Variants in SIM1 observed in about 807,000 individuals in gnomAD.
SIM1 encodes the protein single-minded homolog 1.
Under a neutral mutation model 78.2 loss-of-function variants are expected in SIM1, and 18 were observed. That is an observed-to-expected ratio of 0.23 (90% confidence interval 0.16 to 0.34). The LOEUF is 0.34. Ranked by LOEUF, SIM1 falls within the 10% of genes least tolerant of loss-of-function variation. SIM1 has a pLI of 1.00. For missense variants in SIM1, 939 were observed against 975.1 expected (o/e 0.96, Z 0.49); for synonymous variants, 417 against 385.2 (o/e 1.08, Z -0.97).
chr6:100,412,669 GAGAGAAAGAAAGAAAAAGAAAGAAAGAA>G (rs1771256219), intron 10 of SIM1, among the ~76,000 whole-genome samples: 1 of 117,544 alleles, frequency 8.5e-6, no homozygotes, highest in South Asian at 2.7e-4. Flanking sequence ...GAGAGAGAGA[GAGAGAAAGAAAGAAAAAGAAAGAAAGAA>G]AGAAAGAAAG....
chr6:100,452,632 G>A (rs241808), intron 3 of SIM1, among the ~76,000 whole-genome samples: 150,950 of 152,336 alleles, frequency 0.99, 74,795 homozygotes, highest in East Asian at 1. Context: ...GGCAAGAGCT[G>A]GAAAGTGTCA....
At chr6:100,442,183 GT>G (rs1290986722) in intron 9 of SIM1, among the ~76,000 whole-genome samples, 1 of 152,090 alleles carries the variant, frequency 6.6e-6, no homozygotes, top group Non-Finnish European at 1.5e-5. Flanking sequence ...AAAATACAAA[GT>G]CTGTAAGTTC....
intron 9 of SIM1, among the ~76,000 whole-genome samples, chr6:100,427,504 G>T (rs550385163): frequency 1.3e-5 from 2 of 152,150 alleles, no homozygotes; most frequent in Non-Finnish European, 2.9e-5. Context: ...CAGACACAAA[G>T]TTTGCTATCA....
At chr6:100,412,555 A>AAAAG (rs761518217) in intron 10 of SIM1, among the ~76,000 whole-genome samples, 5,266 of 64,488 alleles carry the variant, frequency 0.082, 371 homozygotes, top group South Asian at 0.1. Flanking sequence ...AGAAAGAAAG[A>AAAAG]AAAGAAAGAA....
At chr6:100,428,441 T>A (rs1357828482) in intron 9 of SIM1, among the ~76,000 whole-genome samples, 1 of 152,180 alleles carries the variant, frequency 6.6e-6, no homozygotes, top group African/African-American at 2.4e-5. Context: ...TTTAAAGGTT[T>A]AACCTCATGA....
chr6:100,403,468 T>C (rs1770978487), intron 10 of SIM1, among the ~76,000 whole-genome samples: 1 of 152,230 alleles, frequency 6.6e-6, no homozygotes, highest in South Asian at 2.1e-4. Flanking sequence ...CATTCTAATA[T>C]TTATTAAGTG....
Position 100,389,569 on chromosome 6 carries a change from C to G in SIM1, c.*792G>C. 1 of 398,840 alleles carries G rather than the reference C, an allele frequency of 2.5e-6. No individual in the cohort carries two copies. The highest frequency in any genetic ancestry group is 4.4e-6 in the Non-Finnish European group (1 of 225,958). The allele number at this position is 398,840 out of a possible 1,614,324, so 24.7% of individuals were successfully genotyped here. A position where few individuals can be genotyped will look rare whatever the true frequency, so the allele number is the denominator to read the frequency against. On this transcript the variant is annotated 3_prime_UTR_variant, in exon 12 of 12. Coordinates refer to ENST00000369208, the MANE Select transcript of SIM1 (RefSeq NM_005068.3). ...TTATTTCACTCTGCCTCTGGCCTTT[C>G]CATATTCATAGAACTACTTCCAATT... is the stretch of plus-strand genomic sequence containing the variant.
At position 100,411,778 on chromosome 6, in the gene SIM1, A is replaced by G. The variant is rs1771196995; in HGVS notation, c.1167+9012T>C. 2.6e-5 allele frequency among the ~76,000 whole-genome samples: 4 copies of G among 152,322 alleles called. No homozygotes were observed. In the South Asian group the frequency reaches 8.3e-4, roughly 32 times the overall value. ...GGCAGTAGAAGGCAGATTATTCTAA[A>G]TAGGGGTCCAAAGGAGAAATATAAC... On this transcript the variant is annotated intron_variant, in intron 10 of 11. Transcript: ENST00000369208.
chr6:100,427,875 T>C (rs1321471672), intron 9 of SIM1, among the ~76,000 whole-genome samples: 1 of 152,204 alleles, frequency 6.6e-6, no homozygotes, highest in Non-Finnish European at 1.5e-5. Context: ...TCTAAATTCC[T>C]TCTCTTATAA....
Position 100,448,690 on chromosome 6 carries a change from G to A in SIM1, c.544-12C>T. 3 of 1,605,094 alleles carry A rather than the reference G, an allele frequency of 1.9e-6. No homozygotes were observed. The highest frequency in any genetic ancestry group is 1.3e-5 in the African/African-American group (1 of 75,002). On this transcript the variant is annotated splice_polypyrimidine_tract_variant and intron_variant, in intron 6 of 11. Coordinates refer to ENST00000369208, the MANE Select transcript of SIM1 (RefSeq NM_005068.3). ...CTGCAGTGGATGACCTGAGGCAGAG[G>A]GATAGGGAGGGAGACTCAGCCACAG...
chr6:100,390,455 C>A lies in SIM1; in HGVS notation c.2207G>T (p.Gly736Val). 3 of 1,614,126 alleles carry A rather than the reference C, an allele frequency of 1.9e-6. No homozygotes were observed. The highest frequency in any genetic ancestry group is 2.5e-6 in the Non-Finnish European group (3 of 1,180,022). The change falls in exon 12 of 12, where the codon GGC (glycine) becomes GTC (valine). Residue 736 changes from glycine (G) to valine (V), a missense_variant. This residue lies in a region of SIM1 where 556 missense variants were observed against 521.9 expected (regional missense o/e 1.07). Transcript: ENST00000369208. ...TIRNYSLGCNGSHFDVTSHLR... is the reference protein window; with the variant it reads ...TIRNYSLGCNVSHFDVTSHLR... ...ATGGGAAGTTACATCAAAGTGTGAG[C>A]CATTACAGCCCAAGGAATAGTTTCT...
chr6:100,456,329 T>C (rs1243060988), intron 2 of SIM1, among the ~76,000 whole-genome samples: 4 of 152,184 alleles, frequency 2.6e-5, no homozygotes, highest in African/African-American at 9.6e-5. Flanking sequence ...CCAATTTCAG[T>C]TGGCGAGGGG....
At position 100,463,340 on chromosome 6, in the gene SIM1, G is replaced by C. The variant is rs762670118; in HGVS notation, c.129C>G (p.Ile43Met). ...ITSQLDKASI[I>M]RLTTSYLKMR... The stretch of plus-strand genomic sequence containing the variant: ...TTTTGAGATAGCTGGTCGTGAGTCT[G>C]ATTATGGATGCTTTGTCCAGCTGCG... Residue 43 changes from isoleucine (I) to methionine (M), a missense_variant, in exon 2 of 12, where the codon ATC (isoleucine) becomes ATG (methionine). Ile to Met is a conservative substitution (Grantham distance 10, BLOSUM62 1). This residue lies in a region of SIM1 where 121 missense variants were observed against 124.6 expected (regional missense o/e 0.97). Coordinates refer to ENST00000369208, the MANE Select transcript of SIM1 (RefSeq NM_005068.3). The C allele has an allele frequency of 6.2e-7, 1 of 1,613,988 alleles. No homozygotes were observed. Among genetic ancestry groups the C allele is most frequent in the Non-Finnish European group, 8.5e-7 (1 of 1,179,956 alleles).
intron 9 of SIM1, among the ~76,000 whole-genome samples, chr6:100,440,302 CAT>C: frequency 6.6e-6 from 1 of 152,302 alleles, no homozygotes; most frequent in South Asian, 2.1e-4. Flanking sequence ...TATTATGTAG[CAT>C]AGTCTTCATT....
At chr6:100,411,589 C>G (rs1416913715) in intron 10 of SIM1, among the ~76,000 whole-genome samples, 1 of 152,058 alleles carries the variant, frequency 6.6e-6, no homozygotes, top group Non-Finnish European at 1.5e-5. Flanking sequence ...AAAGTGTCCG[C>G]ACAATTTTTA....
At chr6:100,393,289 AT>A (rs1562230939) in intron 11 of SIM1, among the ~76,000 whole-genome samples, 197 bp downstream of exon 11, 1 of 152,224 alleles carries the variant, frequency 6.6e-6, no homozygotes, top group Non-Finnish European at 1.5e-5. Context: ...AATCATTTTT[AT>A]TCACTTGTCA....
Position 100,393,651 on chromosome 6 carries a change from C to G in SIM1, c.1406G>C (p.Gly469Ala), listed in dbSNP as rs1448654060. 1 of 1,614,034 alleles carries G rather than the reference C, an allele frequency of 6.2e-7. No individual in the cohort carries two copies. The highest frequency in any genetic ancestry group is 2.2e-5 in the East Asian group (1 of 44,898). ...ERHFHTQACE[G>A]GRCEAGRYFL... is the part of the protein sequence containing the mutation. ...GTACCTGCCTGCCTCACATCGGCCT[C>G]CTTCACAGGCCTGGGTATGGAAATG... Residue 469 changes from glycine to alanine, a missense_variant, in exon 11 of 12, where the codon GGA becomes GCA. This residue lies in a region of SIM1 where 556 missense variants were observed against 521.9 expected (regional missense o/e 1.07). Transcript: ENST00000369208.
At position 100,453,821 on chromosome 6, in the gene SIM1, A is replaced by G. The variant is rs1466354283; in HGVS notation, c.199T>C (p.Ser67Pro). The change falls in exon 3 of 12, where the codon TCA becomes CCA. Residue 67 changes from serine to proline, a missense_variant. Transcript: ENST00000369208. ...TTGTCCAGGGGGCTGGTCCGACTTG[A>G]GTGGCCCCACGCCTCGCCGAGCCCT... The part of the protein sequence containing the change: ...PEGLGEAWGH[S>P]SRTSPLDNVG... 6.2e-7 allele frequency: 1 copy of G among 1,612,268 alleles called. No individual in the cohort carries two copies. The highest frequency in any genetic ancestry group is 8.5e-7 in the Non-Finnish European group (1 of 1,179,202).
chr6:100,404,347 G>T (rs1179555317), intron 10 of SIM1, among the ~76,000 whole-genome samples: 2 of 152,082 alleles, frequency 1.3e-5, no homozygotes, highest in Admixed American at 1.3e-4. Flanking sequence ...AGCTCATTGA[G>T]GTTTTTATCA....
Sources: gnomAD v4.1 joint callset for allele counts (sites outside exome capture counted in the v4.1 genomes callset) on GRCh38, gnomAD v4.1.1 for gene constraint, gnomAD v4.1.1 regional missense constraint, MANE v1.5 for transcripts, NCBI Gene and HGNC (gene_info 2026-07-23, HGNC 2026-07-21) for gene names.